The following ZNF578 variants were observed in gnomAD, a reference collection of about 807,000 sequenced individuals.
ZNF578 encodes zinc finger protein 578.
In ZNF578, 8 loss-of-function variants were observed where a neutral mutation model predicts 8.3. The ratio of observed to expected loss-of-function variants is 0.96; its 90% CI spans 0.56 to 1.74. The LOEUF is 1.74. ZNF578 is among the 40% of genes most tolerant of loss of function. The pLI is 0.00. For synonymous variants in ZNF578, 206 were observed against 232.2 expected, an observed-to-expected ratio of 0.89 and a Z score of 1.03; for missense variants, 726 against 707.5, an observed-to-expected ratio of 1.03 and a Z score of -0.30.
rs1314166711 is a variant in ZNF578, at chr19:52,513,823, A to C, written c.*1669A>C. Reference sequence around the variant, plus strand: ...AGTGGATCATCTAAGATCAGAGTTCAAGAGCACCCTGGCTAACATGGTGAA... The same window carrying C: ...AGTGGATCATCTAAGATCAGAGTTCCAGAGCACCCTGGCTAACATGGTGAA... On this transcript the variant is annotated 3_prime_UTR_variant, in exon 6 of 6. Transcript: ENST00000421239. 6.6e-6 allele frequency among the ~76,000 whole-genome samples: 1 copy of C among 152,006 alleles called. No homozygotes were observed. The highest frequency in any genetic ancestry group is 1.5e-5 in the Non-Finnish European group (1 of 67,982).
At chr19:52,497,334 G>T (rs1276795281) in intron 3 of ZNF578, among the ~76,000 whole-genome samples, 3 of 152,202 alleles carry the variant, frequency 2.0e-5, no homozygotes, top group Non-Finnish European at 4.4e-5. Context: ...CTGACTTCAT[G>T]ATCCGCCCAC....
At position 52,511,545 on chromosome 19, in the gene ZNF578, T is replaced by C; in HGVS notation, c.1164T>C (p.Ile388=). The C allele has an allele frequency of 6.2e-7, 1 of 1,613,660 alleles. No individual in the cohort carries two copies. Among genetic ancestry groups the C allele is most frequent in the African/African-American group, 1.3e-5 (1 of 74,952 alleles). ...KMFGQNSTLV[I]HKAIHTGEKP... is the part of the protein sequence containing the mutation. ...TTGGTCAAAATTCAACCCTTGTAAT[T>C]CATAAGGCAATTCATACTGGAGAGA... The change falls in exon 6 of 6, where the codon ATT becomes ATC. Residue 388 remains isoleucine (I), a synonymous_variant. Transcript: ENST00000421239.
intron 2 of ZNF578, among the ~76,000 whole-genome samples, chr19:52,480,835 G>T (rs1315707341): frequency 6.6e-6 from 1 of 151,304 alleles, no homozygotes; most frequent in East Asian, 1.9e-4. Context: ...GGCAGAGGTT[G>T]CAATGAGCCG....
At chr19:52,498,803 C>T (rs2122923328) in intron 3 of ZNF578, among the ~76,000 whole-genome samples, 1 of 151,092 alleles carries the variant, frequency 6.6e-6, no homozygotes, top group Admixed American at 6.6e-5. Context: ...TTGCGTCAGC[C>T]TCCCAAGTAG....
intron 2 of ZNF578, among the ~76,000 whole-genome samples, chr19:52,481,808 G>T (rs1455290161): frequency 3.3e-5 from 5 of 150,974 alleles, no homozygotes; most frequent in Non-Finnish European, 5.9e-5. Context: ...TCCTCTAACT[G>T]CAGCCTTGAC....
At chr19:52,485,630 ATTC>A (rs777422945) in intron 2 of ZNF578, among the ~76,000 whole-genome samples, 6 of 152,200 alleles carry the variant, frequency 3.9e-5, no homozygotes, top group African/African-American at 9.6e-5. Context: ...ACTAAGAAAA[ATTC>A]TTCTGCCTTG....
chr19:52,509,906 T>C (rs1241899139), intron 5 of ZNF578, among the ~76,000 whole-genome samples: 3 of 151,712 alleles, frequency 2.0e-5, no homozygotes, highest in African/African-American at 4.8e-5. Flanking sequence ...GTTTGAGGCA[T>C]AGTCTCACTT....
intron 2 of ZNF578, among the ~76,000 whole-genome samples, chr19:52,480,818 C>T (rs2122839653): frequency 6.6e-6 from 1 of 151,466 alleles, no homozygotes; most frequent in East Asian, 1.9e-4. Context: ...GTTGCTTGAA[C>T]CTGGGAGGCA....
chr19:52,505,588 G>GT (rs905970285), intron 5 of ZNF578, among the ~76,000 whole-genome samples: 74 of 150,914 alleles, frequency 4.9e-4, no homozygotes, highest in East Asian at 2.0e-3. Flanking sequence ...TGCCCAGCTA[G>GT]TTTTTTTTTG....
chr19:52,490,720 C>G (rs2059362397), intron 2 of ZNF578, among the ~76,000 whole-genome samples: 1 of 151,504 alleles, frequency 6.6e-6, no homozygotes, highest in African/African-American at 2.4e-5. Flanking sequence ...TCACTGCAAT[C>G]TCCGCCTCCC....
intron 2 of ZNF578, among the ~76,000 whole-genome samples, chr19:52,465,349 A>G (rs1372004599): frequency 1.3e-5 from 2 of 152,082 alleles, no homozygotes; most frequent in East Asian, 3.9e-4. Flanking sequence ...TGGGCTGAAC[A>G]ACTTTCTGAG....
intron 2 of ZNF578, chr19:52,457,733 T>C (rs1489759168): frequency 7.2e-5 from 11 of 152,432 alleles, no homozygotes; most frequent in Non-Finnish European, 1.3e-4. Flanking sequence ...AGGTCTTCTA[T>C]GTTGATGATT....
intron 2 of ZNF578, among the ~76,000 whole-genome samples, chr19:52,481,002 T>G (rs1036346047): frequency 2.6e-5 from 4 of 151,818 alleles, no homozygotes; most frequent in Non-Finnish European, 5.9e-5. Context: ...AGAGTCAGGA[T>G]TTGCAGGGAA....
In ZNF578 at chr19:52,515,262, C is replaced by T. The variant is rs2059468980; in HGVS notation, c.*3108C>T. Among the ~76,000 whole-genome samples the T allele has an allele frequency of 6.6e-6, 1 of 152,108 alleles. No individual in the cohort carries two copies. Among genetic ancestry groups the T allele is most frequent in the Admixed American group, 6.6e-5 (1 of 15,252 alleles). Reference sequence around the variant, plus strand: ...TACAAGCGTGAGCCATTGTGCCTGACCACTCATGTATTCTTGATTGAAATA... The same window carrying T: ...TACAAGCGTGAGCCATTGTGCCTGATCACTCATGTATTCTTGATTGAAATA... On this transcript the variant is annotated 3_prime_UTR_variant, in exon 6 of 6. Coordinates refer to ENST00000421239, the MANE Select transcript of ZNF578 (RefSeq NM_001099694.2).
At position 52,513,802 on chromosome 19, in the gene ZNF578, G is replaced by C. The variant is rs1317956364; in HGVS notation, c.*1648G>C. Reference sequence around the variant, plus strand: ...GCACTTTGGAAGACTGAAGTGAGTGGATCATCTAAGATCAGAGTTCAAGAG... The same window carrying C: ...GCACTTTGGAAGACTGAAGTGAGTGCATCATCTAAGATCAGAGTTCAAGAG... On this transcript the variant is annotated 3_prime_UTR_variant, in exon 6 of 6. Transcript: ENST00000421239. Among the ~76,000 whole-genome samples the C allele has an allele frequency of 3.3e-5, 5 of 151,816 alleles. No homozygotes were observed. Among genetic ancestry groups the C allele is most frequent in the African/African-American group, 7.3e-5 (3 of 41,330 alleles).
chr19:52,454,783 C>T (rs2059234120), intron 1 of ZNF578: 1 of 152,160 alleles, frequency 6.6e-6, no homozygotes, highest in African/African-American at 2.4e-5. Flanking sequence ...GGATCTGACA[C>T]TATCTCCTTG....
intron 3 of ZNF578, among the ~76,000 whole-genome samples, chr19:52,501,540 C>G (rs1471599574): frequency 6.6e-6 from 1 of 152,148 alleles, no homozygotes; most frequent in African/African-American, 2.4e-5. Flanking sequence ...GCGGTTTGAT[C>G]AGGGATGGGT....
In ZNF578 at chr19:52,516,538, C is replaced by T. The variant is rs994305324; in HGVS notation, c.*4384C>T. 1.3e-5 allele frequency among the ~76,000 whole-genome samples: 2 copies of T among 152,200 alleles called. No homozygotes were observed. The highest frequency in any genetic ancestry group is 2.1e-4 in the South Asian group (1 of 4,838). On this transcript the variant is annotated 3_prime_UTR_variant, in exon 6 of 6. Coordinates refer to ENST00000421239, the MANE Select transcript of ZNF578 (RefSeq NM_001099694.2). ...GCCATCGTATCCCCTGTCACCTGCACGTATACATCCAGATGGCCTGAAGCA... is the reference window on the plus strand; with the variant it reads ...GCCATCGTATCCCCTGTCACCTGCATGTATACATCCAGATGGCCTGAAGCA...
rs554533545 is a variant in ZNF578 at position 52,515,342 on chromosome 19, A to G, written c.*3188A>G. Reference sequence around the variant, plus strand: ...CCCTCTTTCACTGTTTCCAAGGTCAATAGCTGTGTGTTCACACTTCTGCAT... The same window carrying G: ...CCCTCTTTCACTGTTTCCAAGGTCAGTAGCTGTGTGTTCACACTTCTGCAT... On this transcript the variant is annotated 3_prime_UTR_variant, in exon 6 of 6. Transcript: ENST00000421239. Among the ~76,000 whole-genome samples, 2 of 152,336 alleles carry G rather than the reference A, an allele frequency of 1.3e-5. No individual in the cohort carries two copies. Among genetic ancestry groups the G allele is most frequent in the South Asian group, 4.1e-4 (2 of 4,832 alleles).
Sources: allele counts gnomAD v4.1 joint callset (sites outside exome capture counted in the v4.1 genomes callset), GRCh38; gene constraint gnomAD v4.1.1; transcripts MANE v1.5; gene names NCBI Gene and HGNC (gene_info 2026-07-23, HGNC 2026-07-21).